The following CDHR3 variants were observed in gnomAD, a reference collection of about 807,000 sequenced individuals.
CDHR3 encodes cadherin-related family member 3.
CDHR3 carries 79 observed loss-of-function variants against 86.6 expected under a neutral mutation model. That is an observed-to-expected ratio of 0.91 (90% CI 0.76 to 1.10). CDHR3 has a LOEUF of 1.10. Ranked by LOEUF, CDHR3 falls within the 50% of genes least tolerant of loss-of-function variation. The pLI is 0.00. For synonymous variants in CDHR3, 421 were observed against 402.4 expected (o/e 1.05, Z -0.55); for missense variants, 1,081 against 1,077.6 (o/e 1.00, Z -0.04).
At position 106,018,045 on chromosome 7, in the gene CDHR3, C is replaced by T. The variant is rs760989267; in HGVS notation, c.1626C>T (p.Thr542=). 2 of 1,613,802 alleles carry T rather than the reference C, an allele frequency of 1.2e-6. No individual in the cohort carries two copies. The highest frequency in any genetic ancestry group is 1.3e-5 in the African/African-American group (1 of 75,010). The change falls in exon 12 of 19, where the codon ACC becomes ACT. Residue 542 remains threonine (T), a synonymous_variant. Coordinates refer to ENST00000317716, the MANE Select transcript of CDHR3 (RefSeq NM_152750.5). The part of the protein sequence containing the change: ...TPIYILRIQA[T]NNEDTSSVTV... ...TCTATATTCTCAGAATCCAGGCCAC[C>T]AACAACGAAGACACAAGCTCTGTCA... is the stretch of plus-strand genomic sequence containing the variant.
At chr7:106,018,377 C>T (rs144251452) in intron 12 of CDHR3, among the ~76,000 whole-genome samples, 30 of 152,218 alleles carry the variant, frequency 2.0e-4, no homozygotes, top group African/African-American at 6.5e-4. Context: ...GCTGGGATTG[C>T]AAGTGTGCAC....
chr7:105,984,397 G>A (rs1563245011), intron 4 of CDHR3, 108 bp downstream of exon 4: 2 of 678,182 alleles, frequency 2.9e-6, no homozygotes, highest in Non-Finnish European at 4.9e-6. Flanking sequence ...GCAGTCAGGG[G>A]AATGTGCGTC....
At chr7:105,981,582 C>A (rs1829741354) in intron 3 of CDHR3, among the ~76,000 whole-genome samples, 2 of 152,218 alleles carry the variant, frequency 1.3e-5, no homozygotes, top group Admixed American at 6.5e-5. Flanking sequence ...CTTACAGGAT[C>A]TCCCCCAAGC....
intron 2 of CDHR3, among the ~76,000 whole-genome samples, chr7:105,980,625 T>TTTTTTTTTTTTTTTTTTTTTTTTTAA (rs1563239082): frequency 5.8e-5 from 1 of 17,312 alleles, no homozygotes; most frequent in African/African-American, 1.4e-4. Context: ...TTTTTTTAAT[T>TTTTTTTTTTTTTTTTTTTTTTTTTAA]TTTTTTTTTT....
At chr7:106,013,101 G>A (rs1835063892) in intron 9 of CDHR3, 70 bp downstream of exon 9, 1 of 1,399,932 alleles carries the variant, frequency 7.1e-7, no homozygotes, top group Non-Finnish European at 9.6e-7. Flanking sequence ...TGCTTTTGCT[G>A]CCCCATAGAG....
intron 10 of CDHR3, 114 bp downstream of exon 10, chr7:106,015,327 C>A (rs1010540262): frequency 1.2e-6 from 1 of 827,396 alleles, no homozygotes; most frequent in Non-Finnish European, 1.9e-6. Context: ...GTACTGCCCT[C>A]ATGCGGGGAC....
chr7:106,023,336 G>A (rs1225054064), intron 14 of CDHR3, among the ~76,000 whole-genome samples: 1 of 152,176 alleles, frequency 6.6e-6, no homozygotes, highest in Non-Finnish European at 1.5e-5. Context: ...GATCTAGAGG[G>A]GGAGATAGAT....
intron 15 of CDHR3, among the ~76,000 whole-genome samples, chr7:106,026,066 A>T (rs1396775981): frequency 2.0e-5 from 3 of 152,232 alleles, no homozygotes; most frequent in Admixed American, 6.5e-5. Context: ...ATTGTTTTCA[A>T]CATGGTTGAC....
intron 18 of CDHR3, among the ~76,000 whole-genome samples, chr7:106,031,085 G>T (rs1838269491): frequency 6.6e-6 from 1 of 152,142 alleles, no homozygotes. Flanking sequence ...CCACCTAAAG[G>T]CTCACGTTCA....
chr7:106,032,530 G>A lies in CDHR3; in HGVS notation c.2491G>A (p.Gly831Arg). Residue 831 changes from glycine (G) to arginine (R), a missense_variant, in exon 19 of 19, where the codon GGG becomes AGG. Gly to Arg is a moderately radical substitution (Grantham distance 125). Transcript: ENST00000317716. ...CAGAGTCACTGCTGGGGAAGGGATG[G>A]GGTCACTGAGAAGTGCCAACTGGGA... is the stretch of plus-strand genomic sequence containing the variant. ...PRRVTAGEGM[G>R]SLRSANWEED... 6.2e-7 allele frequency: 1 copy of A among 1,613,990 alleles called. No individual in the cohort carries two copies. The highest frequency in any genetic ancestry group is 1.1e-5 in the South Asian group (1 of 91,078).
Position 106,013,045 on chromosome 7 carries a change from C to A in CDHR3, c.1224+14C>A. 6.4e-7 allele frequency: 1 copy of A among 1,564,976 alleles called. No homozygotes were observed. The highest frequency in any genetic ancestry group is 1.2e-5 in the South Asian group (1 of 82,612). ...GGGAAGATTGTGGTCAGTTAATGGTCATTGCATCATTAAAAGGGCATCGGG... is the reference window on the plus strand; with the variant it reads ...GGGAAGATTGTGGTCAGTTAATGGTAATTGCATCATTAAAAGGGCATCGGG... On this transcript the variant is annotated intron_variant, in intron 9 of 18. Transcript: ENST00000317716.
rs1838880473 is a variant in CDHR3, at chr7:106,035,857, A to G, written c.*3160A>G. 6.6e-6 allele frequency: 1 copy of G among 152,168 alleles called. No homozygotes were observed. The highest frequency in any genetic ancestry group is 1.5e-5 in the Non-Finnish European group (1 of 68,018). The allele number at this position is 152,168 out of a possible 1,614,324, so 9.4% of individuals were successfully genotyped here. A position where few individuals can be genotyped will look rare whatever the true frequency, so the allele number is the denominator to read the frequency against. On this transcript the variant is annotated 3_prime_UTR_variant, in exon 19 of 19. Coordinates refer to ENST00000317716, the MANE Select transcript of CDHR3 (RefSeq NM_152750.5). ...GAAGACTCGGCTGGCAATCAGTCTG[A>G]TTGGTTACAGACAGCCAATTTCCCA...
intron 14 of CDHR3, among the ~76,000 whole-genome samples, chr7:106,023,855 A>C (rs1034992870): frequency 6.6e-6 from 1 of 152,196 alleles, no homozygotes; most frequent in African/African-American, 2.4e-5. Context: ...TGACATCTCC[A>C]ATCCTGAAAC....
chr7:106,025,773 G>T (rs1447585679), intron 15 of CDHR3, among the ~76,000 whole-genome samples: 5 of 152,208 alleles, frequency 3.3e-5, no homozygotes, highest in Non-Finnish European at 5.9e-5. Context: ...GCGGAAGTTT[G>T]TTGCTATTGG....
At chr7:105,987,916 G>T (rs1216782485) in intron 4 of CDHR3, among the ~76,000 whole-genome samples, 2 of 152,138 alleles carry the variant, frequency 1.3e-5, no homozygotes, top group African/African-American at 4.8e-5. Flanking sequence ...TTGAGACAGG[G>T]TCTTACCTCT....
At chr7:105,993,715 G>C (rs562981038) in intron 4 of CDHR3, among the ~76,000 whole-genome samples, 2 of 135,528 alleles carry the variant, frequency 1.5e-5, no homozygotes, top group African/African-American at 5.5e-5. Context: ...AGAAGAAGAA[G>C]AACTTGGACC....
chr7:105,987,164 G>A lies in CDHR3; in HGVS notation c.513+2875G>A, dbSNP rs544416026. On this transcript the variant is annotated intron_variant, in intron 4 of 18. Coordinates refer to ENST00000317716, the MANE Select transcript of CDHR3 (RefSeq NM_152750.5). ...CAGAGGAAGGAAAGCTGCCCAGGTAGGAAACAACTGCAGCAGGTGTTGCTC... is the reference window on the plus strand; with the variant it reads ...CAGAGGAAGGAAAGCTGCCCAGGTAAGAAACAACTGCAGCAGGTGTTGCTC... Among the ~76,000 whole-genome samples the A allele has an allele frequency of 2.4e-4, 37 of 152,280 alleles. No homozygotes were observed. The South Asian group carries it at 6.4e-3, about 26-fold the overall frequency.
At chr7:105,965,567 A>ACCCGCC (rs1554507724) in intron 1 of CDHR3, among the ~76,000 whole-genome samples, 1 of 78,266 alleles carries the variant, frequency 1.3e-5, no homozygotes, top group African/African-American at 3.9e-5. Context: ...CTCAAGCCCC[A>ACCCGCC]CCCCCCCCCA....
intron 2 of CDHR3, among the ~76,000 whole-genome samples, chr7:105,976,872 G>A (rs1828895189): frequency 3.3e-5 from 5 of 152,034 alleles, no homozygotes; most frequent in Admixed American, 2.0e-4. Context: ...TTGTCTCCAC[G>A]TGGGAGTTCT....
Sources: allele counts gnomAD v4.1 joint callset (sites outside exome capture counted in the v4.1 genomes callset), GRCh38; gene constraint gnomAD v4.1.1; transcripts MANE v1.5; gene names NCBI Gene and HGNC (gene_info 2026-07-23, HGNC 2026-07-21).